JAM3: variants seen among roughly 807,000 people sequenced by gnomAD.
JAM3 encodes the protein junctional adhesion molecule 3.
In JAM3, 31 loss-of-function variants were observed where a neutral mutation model predicts 39.4. That is an observed-to-expected ratio of 0.79 (90% CI 0.59 to 1.06). The LOEUF (loss-of-function observed/expected upper bound fraction) is 1.06, where lower values mean the gene tolerates loss of function less well. JAM3 is among the 50% of genes least tolerant of loss of function. The probability of loss-of-function intolerance (pLI) is 0.00; values close to 1 mark genes in which losing one functional copy is unlikely to be tolerated. For missense variants in JAM3, 455 were observed against 391.4 expected (o/e 1.16, Z -1.37); for synonymous variants, 182 against 148.7 (o/e 1.22, Z -1.63).
At chr11:134,073,213 T>A (rs1591765814) in intron 1 of JAM3, among the ~76,000 whole-genome samples, 1 of 152,206 alleles carries the variant, frequency 6.6e-6, no homozygotes, top group East Asian at 1.9e-4. Flanking sequence ...GTTTCTGATG[T>A]CCCAGGAATG....
intron 1 of JAM3, among the ~76,000 whole-genome samples, chr11:134,105,228 T>A (rs561630334): frequency 2.9e-4 from 44 of 152,284 alleles, no homozygotes; most frequent in African/African-American, 1.1e-3. Flanking sequence ...TCATCCGGCA[T>A]ATAAACAGAA....
chr11:134,142,461 T>C (rs1435931880), intron 3 of JAM3, among the ~76,000 whole-genome samples: 1 of 152,218 alleles, frequency 6.6e-6, no homozygotes, highest in Non-Finnish European at 1.5e-5. Flanking sequence ...TTTAGTGTAT[T>C]ATGGCAAGCC....
intron 1 of JAM3, among the ~76,000 whole-genome samples, chr11:134,133,772 C>A (rs1022173565): frequency 1.3e-5 from 2 of 152,126 alleles, no homozygotes; most frequent in Non-Finnish European, 2.9e-5. Flanking sequence ...ATCCTTCCCC[C>A]CTACACACAC....
intron 6 of JAM3, among the ~76,000 whole-genome samples, chr11:134,146,470 C>T (rs921268451): frequency 1.3e-5 from 2 of 152,078 alleles, no homozygotes; most frequent in Non-Finnish European, 2.9e-5. Flanking sequence ...GTAATGTTAT[C>T]TCAGGGCTCT....
At chr11:134,106,087 G>C (rs1256550655) in intron 1 of JAM3, among the ~76,000 whole-genome samples, 1 of 152,120 alleles carries the variant, frequency 6.6e-6, no homozygotes, top group Non-Finnish European at 1.5e-5. Flanking sequence ...CATGCTACCT[G>C]ACTTCAAACT....
At chr11:134,130,010 A>G (rs1942738167) in intron 1 of JAM3, among the ~76,000 whole-genome samples, 2 of 152,068 alleles carry the variant, frequency 1.3e-5, no homozygotes, top group South Asian at 4.2e-4. Context: ...TCCAAAAAAA[A>G]AAGTCAGTAA....
At chr11:134,108,636 T>C (rs1942248775) in intron 1 of JAM3, among the ~76,000 whole-genome samples, 1 of 152,192 alleles carries the variant, frequency 6.6e-6, no homozygotes, top group Non-Finnish European at 1.5e-5. Context: ...GAATGCAAGG[T>C]TGGTTTAACA....
In JAM3 at chr11:134,149,665, A is replaced by T. The variant is rs1431337755; in HGVS notation, c.*484A>T. 3 of 457,356 alleles carry T rather than the reference A, an allele frequency of 6.6e-6. No homozygotes were observed. The Admixed American group carries it at 7.0e-5, about 11-fold the overall frequency. 28.3% of individuals were successfully genotyped at this position (457,356 alleles called of 1,614,324 possible). A position where few individuals can be genotyped will look rare whatever the true frequency, so the allele number is the denominator to read the frequency against. The stretch of plus-strand genomic sequence containing the variant: ...CAGCAGCCTTACTTCATCGGCCCAC[A>T]GACACCACCGCAGTTTCTTCTTAAA... On this transcript the variant is annotated 3_prime_UTR_variant, in exon 9 of 9. Transcript: ENST00000299106.
In JAM3 at chr11:134,144,138, G is replaced by C. The variant is rs12797399; in HGVS notation, c.257-103G>C. ...AATAGAAATAAATATTGATCTGCAG[G>C]CTTCCTTGCTGTGGCATCTAGTGCT... On this transcript the variant is annotated intron_variant, in intron 3 of 8. Transcript: ENST00000299106. 1.3e-5 allele frequency: 14 copies of C among 1,066,980 alleles called. No homozygotes were observed. In the African/African-American group the frequency reaches 2.2e-4, roughly 17 times the overall value. 66.1% of individuals were successfully genotyped at this position (1,066,980 alleles called of 1,614,324 possible).
rs117034809 is a variant in JAM3, at chr11:134,079,449, G to A, written c.76+10290G>A. 6.6e-3 allele frequency among the ~76,000 whole-genome samples: 998 copies of A among 152,178 alleles called. 3 individuals carry two copies. The highest frequency in any genetic ancestry group is 0.011 in the Non-Finnish European group (718 of 68,002). ...AAGTGCTGGTTTACTGAAAGGTGCC[G>A]TCTGATGTAATGTGTGGACAAAAAC... On this transcript the variant is annotated intron_variant, in intron 1 of 8. Coordinates refer to ENST00000299106, the MANE Select transcript of JAM3 (RefSeq NM_032801.5).
chr11:134,102,544 C>T (rs1256330062), intron 1 of JAM3, among the ~76,000 whole-genome samples: 2 of 152,162 alleles, frequency 1.3e-5, no homozygotes, highest in Non-Finnish European at 2.9e-5. Context: ...GAGAAGAAGG[C>T]TTCAGAGAAT....
chr11:134,143,859 G>T (rs758982039), intron 3 of JAM3, among the ~76,000 whole-genome samples: 1 of 152,190 alleles, frequency 6.6e-6, no homozygotes, highest in Admixed American at 6.5e-5. Context: ...TCAACTTCAT[G>T]TGTTTGCAAG....
chr11:134,145,287 A>C (rs1943052078), intron 5 of JAM3: 1 of 494,598 alleles, frequency 2.0e-6, no homozygotes, highest in Middle Eastern at 5.7e-4. Flanking sequence ...GTCATTAGAC[A>C]ATCGGGGAAA....
chr11:134,095,579 C>A (rs1039375403), intron 1 of JAM3, among the ~76,000 whole-genome samples: 2 of 151,338 alleles, frequency 1.3e-5, no homozygotes, highest in East Asian at 3.9e-4. Context: ...TGTAGTGAGC[C>A]GAGATCGCGC....
intron 1 of JAM3, among the ~76,000 whole-genome samples, chr11:134,099,241 G>A (rs1008381624): frequency 3.9e-5 from 6 of 152,116 alleles, no homozygotes; most frequent in Admixed American, 3.9e-4. Context: ...GTTGCATGGG[G>A]GAGGAATGAG....
At chr11:134,111,781 A>G (rs1942316511) in intron 1 of JAM3, among the ~76,000 whole-genome samples, 2 of 152,200 alleles carry the variant, frequency 1.3e-5, no homozygotes, top group African/African-American at 4.8e-5. Context: ...GGGAATCTCC[A>G]TTTTCTTTTA....
At chr11:134,101,567 T>C in intron 1 of JAM3, among the ~76,000 whole-genome samples, 1 of 152,206 alleles carries the variant, frequency 6.6e-6, no homozygotes, top group African/African-American at 2.4e-5. Flanking sequence ...ATAATACTAT[T>C]GCTCTAATAC....
chr11:134,077,348 G>A (rs1450657630), intron 1 of JAM3, among the ~76,000 whole-genome samples: 3 of 150,622 alleles, frequency 2.0e-5, no homozygotes, highest in African/African-American at 7.3e-5. Flanking sequence ...CTGGATATTA[G>A]TGTGTCAAGG....
chr11:134,110,433 TC>T (rs1191519457), intron 1 of JAM3, among the ~76,000 whole-genome samples: 2 of 152,236 alleles, frequency 1.3e-5, no homozygotes, highest in Non-Finnish European at 2.9e-5. Flanking sequence ...TGGTGGTATT[TC>T]CATAAATGGA....
Sources: gnomAD v4.1 joint callset for allele counts (sites outside exome capture counted in the v4.1 genomes callset) on GRCh38, gnomAD v4.1.1 for gene constraint, MANE v1.5 for transcripts, NCBI Gene and HGNC (gene_info 2026-07-23, HGNC 2026-07-21) for gene names.